Variants in ZFAT observed in about 807,000 individuals in gnomAD.
ZFAT encodes zinc finger and AT-hook domain containing, also known as zinc finger protein ZFAT.
ZFAT carries 64 observed loss-of-function variants against 117.7 expected under a neutral mutation model. The observed-to-expected ratio is 0.54, with a 90% CI of 0.44 to 0.67. The LOEUF (loss-of-function observed/expected upper bound fraction) is 0.67, where lower values mean the gene tolerates loss of function less well. ZFAT is among the 30% of genes least tolerant of loss of function. The pLI is 0.00. For missense variants in ZFAT, 1,433 were observed against 1,584.5 expected (o/e 0.90, Z 1.62); for synonymous variants, 679 against 615.0 (o/e 1.10, Z -1.54).
intron 2 of ZFAT, among the ~76,000 whole-genome samples, chr8:134,655,484 C>CA (rs1241900813): frequency 6.6e-6 from 1 of 151,900 alleles, no homozygotes; most frequent in Non-Finnish European, 1.5e-5. Context: ...CCTGTCTATA[C>CA]AAAAAATACA....
At position 134,637,964 on chromosome 8, in the gene ZFAT, T is replaced by C. The variant is rs1344680464; in HGVS notation, c.197-252A>G. On this transcript the variant is annotated intron_variant, in intron 2 of 15. Transcript: ENST00000377838. ...ATCAGTTTATCAGCATCGCTGTACA[T>C]CTTTCTCCAGCAATGCTGACAGGAT... Among the ~76,000 whole-genome samples the C allele has an allele frequency of 2.6e-5, 4 of 152,222 alleles. No homozygotes were observed. In the East Asian group the frequency reaches 5.8e-4, roughly 22 times the overall value.
chr8:134,483,506 G>C (rs544616275), intron 15 of ZFAT, among the ~76,000 whole-genome samples: 11 of 152,184 alleles, frequency 7.2e-5, no homozygotes, highest in African/African-American at 2.2e-4. Flanking sequence ...CACTCTCTTT[G>C]TTCAAAATAA....
chr8:134,611,360 A>G (rs2130974239), intron 3 of ZFAT, among the ~76,000 whole-genome samples: 1 of 152,388 alleles, frequency 6.6e-6, no homozygotes, highest in South Asian at 2.1e-4. Flanking sequence ...ATGGTGTTCC[A>G]ATCTAGGGAC....
At chr8:134,739,729 T>A in the ZFAT span, among the ~76,000 whole-genome samples, 8 of 152,194 alleles carry the variant, frequency 5.3e-5, no homozygotes, top group East Asian at 1.5e-3. Context: ...GTGATGGGCA[T>A]GGAACAGAAA....
intron 1 of ZFAT, among the ~76,000 whole-genome samples, chr8:134,682,212 T>C (rs1453529276): frequency 1.3e-5 from 2 of 152,212 alleles, no homozygotes; most frequent in African/African-American, 4.8e-5. Context: ...TTTATTATTG[T>C]ATTTCCTCAA....
chr8:134,601,943 C>A lies in ZFAT; in HGVS notation c.1776G>T (p.Val592=), dbSNP rs749486930. Residue 592 remains valine, a synonymous_variant, in exon 6 of 16, where the codon GTG becomes GTT. Coordinates refer to ENST00000377838, the MANE Select transcript of ZFAT (RefSeq NM_020863.4). ...VSSSDLHSQE[V]VSDDFLLKND... ...TTTTCAACAAAAAATCATCTGAAAC[C>A]ACCTCTTGAGAATGCAGGTCTGAGG... 6.2e-7 allele frequency: 1 copy of A among 1,613,938 alleles called. No individual in the cohort carries two copies. The highest frequency in any genetic ancestry group is 8.5e-7 in the Non-Finnish European group (1 of 1,180,004).
intron 2 of ZFAT, among the ~76,000 whole-genome samples, chr8:134,641,430 T>C (rs1318680954): frequency 6.6e-6 from 1 of 152,170 alleles, no homozygotes; most frequent in East Asian, 1.9e-4. Flanking sequence ...CCAGTTCAAA[T>C]CCTAACATGT....
intron 11 of ZFAT, among the ~76,000 whole-genome samples, chr8:134,541,113 A>G (rs1419182857): frequency 6.6e-6 from 1 of 152,190 alleles, no homozygotes; most frequent in Non-Finnish European, 1.5e-5. Context: ...CTTGGACTTC[A>G]GATTTGGAGA....
chr8:134,670,383 A>C (rs527883599), intron 1 of ZFAT, among the ~76,000 whole-genome samples: 547 of 152,374 alleles, frequency 3.6e-3, no homozygotes, highest in African/African-American at 0.013. Flanking sequence ...GTAAAAGAAC[A>C]GAAATTATAA....
At chr8:134,743,425 T>C in the ZFAT span, among the ~76,000 whole-genome samples, 2 of 151,074 alleles carry the variant, frequency 1.3e-5, no homozygotes, top group African/African-American at 2.4e-5. Flanking sequence ...GGAGGTGGAG[T>C]TTGCAGTGAG....
At chr8:134,718,988 A>C in the ZFAT span, among the ~76,000 whole-genome samples, 1 of 152,176 alleles carries the variant, frequency 6.6e-6, no homozygotes, top group Non-Finnish European at 1.5e-5. Flanking sequence ...TTGAGTGAAA[A>C]GAGCCAGGTG....
At chr8:134,668,169 C>G (rs994670354) in intron 1 of ZFAT, among the ~76,000 whole-genome samples, 2 of 152,220 alleles carry the variant, frequency 1.3e-5, no homozygotes, top group African/African-American at 2.4e-5. Context: ...TCTGCAGACT[C>G]CACCTCTGGG....
chr8:134,760,451 C>A, the ZFAT span, among the ~76,000 whole-genome samples: 1 of 152,098 alleles, frequency 6.6e-6, no homozygotes, highest in Admixed American at 6.5e-5. Flanking sequence ...TGAGAGAGGA[C>A]CACACTTACC....
chr8:134,566,819 T>C (rs564809186), intron 10 of ZFAT, among the ~76,000 whole-genome samples: 3 of 152,358 alleles, frequency 2.0e-5, no homozygotes, highest in South Asian at 4.1e-4. Flanking sequence ...CTGTACTGCA[T>C]GTGACTCCAT....
intron 1 of ZFAT, among the ~76,000 whole-genome samples, chr8:134,688,346 G>A (rs147575918): frequency 7.9e-5 from 12 of 152,234 alleles, no homozygotes; most frequent in African/African-American, 2.6e-4. Context: ...CAAAACGTGT[G>A]TACATACACA....
the ZFAT span, among the ~76,000 whole-genome samples, chr8:134,735,876 AG>A: frequency 2.0e-5 from 3 of 152,150 alleles, no homozygotes; most frequent in Admixed American, 1.3e-4. Context: ...ATAAAGCACA[AG>A]TTGGGATTTT....
At chr8:134,660,076 A>G (rs141944710) in intron 1 of ZFAT, among the ~76,000 whole-genome samples, 123 of 152,374 alleles carry the variant, frequency 8.1e-4, no homozygotes, top group Admixed American at 1.6e-3. Flanking sequence ...AAGAGATTAG[A>G]GTAATACATT....
At chr8:134,718,481 A>AT in the ZFAT span, among the ~76,000 whole-genome samples, 1 of 152,176 alleles carries the variant, frequency 6.6e-6, no homozygotes, top group Admixed American at 6.5e-5. Flanking sequence ...TGGGCGACAG[A>AT]TTAAGACCTG....
chr8:134,681,539 C>T (rs1833069642), intron 1 of ZFAT, among the ~76,000 whole-genome samples: 1 of 152,164 alleles, frequency 6.6e-6, no homozygotes, highest in African/African-American at 2.4e-5. Context: ...AGACAAAATG[C>T]TACATTATGA....
Sources: allele counts gnomAD v4.1 joint callset (sites outside exome capture counted in the v4.1 genomes callset), GRCh38; gene constraint gnomAD v4.1.1; transcripts MANE v1.5; gene names NCBI Gene and HGNC (gene_info 2026-07-23, HGNC 2026-07-21).